MAP2K5: variants seen among roughly 807,000 people sequenced by gnomAD.
MAP2K5 encodes dual specificity mitogen-activated protein kinase kinase 5.
Under a neutral mutation model 83.1 loss-of-function variants are expected in MAP2K5, and 49 were observed. The observed-to-expected ratio is 0.59, with a 90% CI of 0.47 to 0.75. The LOEUF is 0.75. Ranked by LOEUF, MAP2K5 falls within the 30% of genes least tolerant of loss-of-function variation. MAP2K5 has a pLI of 0.00. For missense variants in MAP2K5, 457 were observed against 557.5 expected (o/e 0.82, Z 1.82); for synonymous variants, 202 against 191.8 (o/e 1.05, Z -0.44).
In MAP2K5 at chr15:67,774,986, C is replaced by T; in HGVS notation, c.1242+2234C>T. On this transcript the variant is annotated intron_variant, in intron 21 of 21. Coordinates refer to ENST00000178640, the MANE Select transcript of MAP2K5 (RefSeq NM_145160.3). The surrounding 1 kb of genome is among the most constrained non-coding windows in gnomAD (Gnocchi z 4.9). Reference sequence around the variant, plus strand: ...CACTATTTGGGAACTCTTATATGAACTCCAGGTGTGACCTTGACCAGCGAA... The same window carrying T: ...CACTATTTGGGAACTCTTATATGAATTCCAGGTGTGACCTTGACCAGCGAA... 6.6e-6 allele frequency among the ~76,000 whole-genome samples: 1 copy of T among 152,170 alleles called. No individual in the cohort carries two copies. Among genetic ancestry groups the T allele is most frequent in the East Asian group, 1.9e-4 (1 of 5,196 alleles).
chr15:67,669,694 G>A lies in MAP2K5; in HGVS notation c.847+5049G>A, dbSNP rs985634637. ...GATAGAATTTGCTGATGGATTGCTTGTGACTTTTAAGAGAAAGGCGTCAAG... is the reference window on the plus strand; with the variant it reads ...GATAGAATTTGCTGATGGATTGCTTATGACTTTTAAGAGAAAGGCGTCAAG... On this transcript the variant is annotated intron_variant, in intron 13 of 21. Coordinates refer to ENST00000178640, the MANE Select transcript of MAP2K5 (RefSeq NM_145160.3). 3.3e-5 allele frequency among the ~76,000 whole-genome samples: 5 copies of A among 152,120 alleles called. No individual in the cohort carries two copies. In the East Asian group the frequency reaches 9.6e-4, roughly 29 times the overall value.
At chr15:67,681,910 T>A (rs2087827277) in intron 13 of MAP2K5, among the ~76,000 whole-genome samples, 1 of 152,186 alleles carries the variant, frequency 6.6e-6, no homozygotes, top group Non-Finnish European at 1.5e-5. Flanking sequence ...AATGCCCTGA[T>A]TAAACCAAAA....
Position 67,748,494 on chromosome 15 carries a change from AT to A in MAP2K5, c.1102-69del, listed in dbSNP as rs766025936. On this transcript the variant is annotated intron_variant, in intron 18 of 21. Coordinates refer to ENST00000178640, the MANE Select transcript of MAP2K5 (RefSeq NM_145160.3). The surrounding 1 kb of genome is among the most constrained non-coding windows in gnomAD (Gnocchi z 4.0). Reference sequence around the variant, plus strand: ...CTTGCTATATTTTATTGCATTAATGATTTTTTCTTTCCACTCCACTGTAAAG... The same window carrying A: ...CTTGCTATATTTTATTGCATTAATGATTTTTCTTTCCACTCCACTGTAAAG... The A allele has an allele frequency of 1.2e-5, 16 of 1,300,120 alleles. No homozygotes were observed. The highest frequency in any genetic ancestry group is 1.8e-5 in the Non-Finnish European group (16 of 910,158). 80.5% of individuals were successfully genotyped at this position (1,300,120 alleles called of 1,614,324 possible).
intron 21 of MAP2K5, among the ~76,000 whole-genome samples, chr15:67,795,980 A>G (rs1265618423): frequency 6.6e-6 from 1 of 151,996 alleles, no homozygotes; most frequent in Non-Finnish European, 1.5e-5. Flanking sequence ...TCTCTAATAT[A>G]TTTTCCTTTA....
intron 2 of MAP2K5, among the ~76,000 whole-genome samples, chr15:67,553,122 C>T (rs1468341517): frequency 6.6e-6 from 1 of 151,972 alleles, no homozygotes; most frequent in Non-Finnish European, 1.5e-5. Context: ...AGATGACTTG[C>T]CTAAGTTGTT....
At chr15:67,589,693 A>G (rs4776366) in intron 6 of MAP2K5, among the ~76,000 whole-genome samples, 126,198 of 152,072 alleles carry the variant, frequency 0.83, 53,169 homozygotes, top group Middle Eastern at 0.93. Flanking sequence ...GGTTATTTGC[A>G]TCTTTACAAT....
At chr15:67,594,911 A>G (rs2085493164) in intron 7 of MAP2K5, among the ~76,000 whole-genome samples, 1 of 152,204 alleles carries the variant, frequency 6.6e-6, no homozygotes, top group African/African-American at 2.4e-5. Flanking sequence ...AGTGAGTGAA[A>G]TTGCATTGCA....
At position 67,573,878 on chromosome 15, in the gene MAP2K5, C is replaced by T. The variant is rs983111832; in HGVS notation, c.253-6876C>T. On this transcript the variant is annotated intron_variant, in intron 3 of 21. Coordinates refer to ENST00000178640, the MANE Select transcript of MAP2K5 (RefSeq NM_145160.3). This position sits in a 1 kb window ranked among gnomAD's most constrained non-coding sequence, Gnocchi z 4.2. ...CTGTGTCACCAGCCTTGTAGTGCAG[C>T]GCATCTCCTCCATATGGTTTTTTGC... is the stretch of plus-strand genomic sequence containing the variant. Among the ~76,000 whole-genome samples, 10 of 152,294 alleles carry T rather than the reference C, an allele frequency of 6.6e-5. No homozygotes were observed. Among genetic ancestry groups the T allele is most frequent in the South Asian group, 2.1e-4 (1 of 4,824 alleles).
In MAP2K5 at chr15:67,778,707, C is replaced by T; in HGVS notation, c.1242+5955C>T. Among the ~76,000 whole-genome samples the T allele has an allele frequency of 6.6e-6, 1 of 152,170 alleles. No homozygotes were observed. The highest frequency in any genetic ancestry group is 1.5e-5 in the Non-Finnish European group (1 of 68,026). Reference sequence around the variant, plus strand: ...GGGATTTCTTACCTGTTACTGTTTACTAGAAGCACGGGGCTCAGATCAATT... The same window carrying T: ...GGGATTTCTTACCTGTTACTGTTTATTAGAAGCACGGGGCTCAGATCAATT... On this transcript the variant is annotated intron_variant, in intron 21 of 21. Coordinates refer to ENST00000178640, the MANE Select transcript of MAP2K5 (RefSeq NM_145160.3). This position sits in a 1 kb window ranked among gnomAD's most constrained non-coding sequence, Gnocchi z 5.0.
chr15:67,600,782 C>T (rs779949355), intron 8 of MAP2K5, 33 bp downstream of exon 8: 22 of 1,533,588 alleles, frequency 1.4e-5, no homozygotes, highest in Middle Eastern at 3.4e-4. Context: ...ACTTTCTATC[C>T]GCTTTTCCAA....
intron 16 of MAP2K5, among the ~76,000 whole-genome samples, chr15:67,710,654 C>T (rs932593073): frequency 2.0e-5 from 3 of 152,100 alleles, no homozygotes; most frequent in Non-Finnish European, 2.9e-5. Context: ...CAGGCATGCG[C>T]CACCACGCCC....
chr15:67,585,674 G>A, intron 4 of MAP2K5: 1 of 516,374 alleles, frequency 1.9e-6, no homozygotes, highest in Non-Finnish European at 3.5e-6. Context: ...GAATTTATAT[G>A]AGGTGGTGTC....
intron 19 of MAP2K5, among the ~76,000 whole-genome samples, chr15:67,763,992 C>T (rs913313731): frequency 2.2e-4 from 33 of 152,242 alleles, no homozygotes; most frequent in African/African-American, 7.9e-4. Flanking sequence ...GTGTGACTCT[C>T]AATATTGGTC....
chr15:67,543,187 T>C lies in MAP2K5; in HGVS notation c.-149T>C. ...CTGCGGGTGCGTTCCTGATCACCCC[T>C]CCCCTCTTCCCTCCCCCTCATCCTC... is the stretch of plus-strand genomic sequence containing the variant. On this transcript the variant is annotated 5_prime_UTR_variant, in exon 1 of 22. Coordinates refer to ENST00000178640, the MANE Select transcript of MAP2K5 (RefSeq NM_145160.3). The surrounding 1 kb of genome is among the most constrained non-coding windows in gnomAD (Gnocchi z 4.3). The C allele has an allele frequency of 2.7e-6, 2 of 750,608 alleles. No individual in the cohort carries two copies. Among genetic ancestry groups the C allele is most frequent in the Non-Finnish European group, 4.5e-6 (2 of 448,554 alleles). The allele number at this position is 750,608 out of a possible 1,614,324, so 46.5% of individuals were successfully genotyped here. A position where few individuals can be genotyped will look rare whatever the true frequency, so the allele number is the denominator to read the frequency against.
intron 7 of MAP2K5, among the ~76,000 whole-genome samples, 157 bp downstream of exon 7, chr15:67,593,131 C>T (rs1277006081): frequency 1.3e-5 from 2 of 152,078 alleles, no homozygotes; most frequent in Non-Finnish European, 2.9e-5. Context: ...ATTTGCAGCC[C>T]GTTTTTCAAA....
In MAP2K5 at chr15:67,793,269, G is replaced by A. The variant is rs753166931; in HGVS notation, c.1243-13377G>A. ...TGTGCTCCAGTCAGGGCAACACTGTGAGACCTCATCTCTAAAAAAAAACAA... is the reference window on the plus strand; with the variant it reads ...TGTGCTCCAGTCAGGGCAACACTGTAAGACCTCATCTCTAAAAAAAAACAA... On this transcript the variant is annotated intron_variant, in intron 21 of 21. Transcript: ENST00000178640. The surrounding 1 kb of genome is among the most constrained non-coding windows in gnomAD (Gnocchi z 4.6). Among the ~76,000 whole-genome samples, 4 of 152,096 alleles carry A rather than the reference G, an allele frequency of 2.6e-5. No homozygotes were observed. Among genetic ancestry groups the A allele is most frequent in the Non-Finnish European group, 5.9e-5 (4 of 68,030 alleles).
chr15:67,771,729 C>T (rs537691450), intron 20 of MAP2K5, among the ~76,000 whole-genome samples: 1 of 152,274 alleles, frequency 6.6e-6, no homozygotes, highest in East Asian at 1.9e-4. Context: ...AACTCCGATT[C>T]TTGTTTACCA....
chr15:67,723,670 C>T (rs776517239), intron 16 of MAP2K5, among the ~76,000 whole-genome samples: 2 of 152,008 alleles, frequency 1.3e-5, no homozygotes, highest in Admixed American at 1.3e-4. Flanking sequence ...TGAGCTGCTC[C>T]CCTCCTGGGA....
rs948589804 is a variant in MAP2K5 at position 67,775,119 on chromosome 15, C to T, written c.1242+2367C>T. 1.3e-5 allele frequency among the ~76,000 whole-genome samples: 2 copies of T among 152,204 alleles called. No homozygotes were observed. The highest frequency in any genetic ancestry group is 2.9e-5 in the Non-Finnish European group (2 of 68,032). ...AGTGGGCACTTAGGTGGTGAGGTCA[C>T]TGTTTATACCAGAATACCCCTTATC... On this transcript the variant is annotated intron_variant, in intron 21 of 21. Coordinates refer to ENST00000178640, the MANE Select transcript of MAP2K5 (RefSeq NM_145160.3). The surrounding 1 kb of genome is among the most constrained non-coding windows in gnomAD (Gnocchi z 5.3).
Sources: allele counts gnomAD v4.1 joint callset (sites outside exome capture counted in the v4.1 genomes callset), GRCh38; gene constraint gnomAD v4.1.1; non-coding constraint Gnocchi (gnomAD v3.1); transcripts MANE v1.5; gene names NCBI Gene and HGNC (gene_info 2026-07-23, HGNC 2026-07-21).